QARS1: variants seen among roughly 807,000 people sequenced by gnomAD.
The protein encoded by QARS1 is glutaminyl-tRNA synthetase 1.
A neutral mutation model predicts 106.9 loss-of-function variants in QARS1; 79 were observed. The observed-to-expected ratio is 0.74, with a 90% CI of 0.62 to 0.89. QARS1 has a LOEUF of 0.89. Among genes scored for constraint, QARS1 ranks in the 40% least tolerant of loss-of-function variants. QARS1 has a pLI of 0.00. For missense variants in QARS1, 966 were observed against 997.2 expected, an observed-to-expected ratio of 0.97 and a Z score of 0.42; for synonymous variants, 395 against 367.7, an observed-to-expected ratio of 1.07 and a Z score of -0.85.
At chr3:49,104,035 C>G in intron 2 of QARS1, 63 bp from the exon 3 acceptor site, 1 of 1,443,888 alleles carries the variant, frequency 6.9e-7, no homozygotes, top group Non-Finnish European at 9.6e-7. Flanking sequence ...AGACAGGGTC[C>G]TAATCTCATG....
chr3:49,099,300 C>G (rs1225175791), intron 17 of QARS1, 44 bp downstream of exon 17: 2 of 1,614,054 alleles, frequency 1.2e-6, no homozygotes, highest in Non-Finnish European at 1.7e-6. Flanking sequence ...CACAAACTGC[C>G]ACACTCAACC....
chr3:49,104,689 C>G lies in QARS1; in HGVS notation c.45G>C (p.Leu15=), dbSNP rs756522994. The change falls in exon 1 of 24, where the codon CTG becomes CTC. Residue 15 remains leucine, a synonymous_variant. Transcript: ENST00000306125. Reference sequence around the variant, plus strand: ...GCGTCTCGCGGGCCTTCTGCTCGCTCAGGCCGAGGCTAGTGAAGAGCGACA... The same window carrying G: ...GCGTCTCGCGGGCCTTCTGCTCGCTGAGGCCGAGGCTAGTGAAGAGCGACA... ...DSLSLFTSLG[L]SEQKARETLK... The G allele has an allele frequency of 3.1e-6, 5 of 1,611,454 alleles. No individual in the cohort carries two copies. The East Asian group carries it at 6.7e-5, about 22-fold the overall frequency.
Position 49,099,388 on chromosome 3 carries a change from G to A in QARS1, c.1570C>T (p.Arg524Trp), listed in dbSNP as rs774980346. Residue 524 changes from arginine to tryptophan, a missense_variant, in exon 17 of 24, where the codon CGG (arginine) becomes TGG (tryptophan). By Grantham distance (101) the Arg-to-Trp change is moderately radical. Transcript: ENST00000306125. ...ATGGCCTCAGGTGGGAAGCCCCGCC[G>A]TCGCAGGGCCGTGAGTGTAAAGAGC... ...PRLFTLTALR[R>W]RGFPPEAINN... 3.1e-6 allele frequency: 5 copies of A among 1,614,066 alleles called. No individual in the cohort carries two copies. Among genetic ancestry groups the A allele is most frequent in the Admixed American group, 1.7e-5 (1 of 60,008 alleles).
Position 49,095,961 on chromosome 3 carries a change from C to T in QARS1, c.*68G>A, listed in dbSNP as rs1383212571. The T allele has an allele frequency of 6.9e-7, 1 of 1,443,542 alleles. No individual in the cohort carries two copies. Among genetic ancestry groups the T allele is most frequent in the Non-Finnish European group, 9.7e-7 (1 of 1,034,832 alleles). 89.4% of individuals were successfully genotyped at this position (1,443,542 alleles called of 1,614,324 possible). A position where few individuals can be genotyped will look rare whatever the true frequency, so the allele number is the denominator to read the frequency against. On this transcript the variant is annotated 3_prime_UTR_variant, in exon 24 of 24. Coordinates refer to ENST00000306125, the MANE Select transcript of QARS1 (RefSeq NM_005051.3). The stretch of plus-strand genomic sequence containing the variant: ...GGAGAATTTAGCTGTTCTTTATTGA[C>T]ATGGAATTTGGGGTGGCGAGGGTAG...
In QARS1 at chr3:49,095,957, T is replaced by C. The variant is rs1163984821; in HGVS notation, c.*72A>G. 7.8e-6 allele frequency: 11 copies of C among 1,417,568 alleles called. No homozygotes were observed. The highest frequency in any genetic ancestry group is 1.8e-5 in the Admixed American group (1 of 54,074). 87.8% of individuals were successfully genotyped at this position (1,417,568 alleles called of 1,614,324 possible). A position where few individuals can be genotyped will look rare whatever the true frequency, so the allele number is the denominator to read the frequency against. Reference sequence around the variant, plus strand: ...TCTAGGAGAATTTAGCTGTTCTTTATTGACATGGAATTTGGGGTGGCGAGG... The same window carrying C: ...TCTAGGAGAATTTAGCTGTTCTTTACTGACATGGAATTTGGGGTGGCGAGG... On this transcript the variant is annotated 3_prime_UTR_variant, in exon 24 of 24. Transcript: ENST00000306125.
rs781654014 is a variant in QARS1 at position 49,099,790 on chromosome 3, G to A, written c.1359C>T (p.His453=). ...CCTGGAATTCCTTGGTGCAGAGTGAGTGAGTGATGTGCTCGATGGAGTCAC... is the reference window on the plus strand; with the variant it reads ...CCTGGAATTCCTTGGTGCAGAGTGAATGAGTGATGTGCTCGATGGAGTCAC... ...CLCDSIEHIT[H]SLCTKEFQAR... The change falls in exon 15 of 24, where the codon CAC becomes CAT. Residue 453 remains histidine (H), a synonymous_variant. Transcript: ENST00000306125. 55 of 1,613,962 alleles carry A rather than the reference G, an allele frequency of 3.4e-5. No homozygotes were observed. The highest frequency in any genetic ancestry group is 4.5e-5 in the Non-Finnish European group (53 of 1,180,024).
chr3:49,102,200 C>T lies in QARS1; in HGVS notation c.631+5G>A. ...ATGCTGTGACAGGAGTCTCAAGCTTCTCACCATTCTCCACCACATCCTTTG... is the reference window on the plus strand; with the variant it reads ...ATGCTGTGACAGGAGTCTCAAGCTTTTCACCATTCTCCACCACATCCTTTG... On this transcript the variant is annotated splice_donor_5th_base_variant and intron_variant, in intron 7 of 23. Coordinates refer to ENST00000306125, the MANE Select transcript of QARS1 (RefSeq NM_005051.3). The T allele has an allele frequency of 6.2e-7, 1 of 1,614,242 alleles. No homozygotes were observed.
chr3:49,099,896 T>C (rs781695773), intron 14 of QARS1, 43 bp from the exon 15 acceptor site: 40 of 1,613,924 alleles, frequency 2.5e-5, no homozygotes, highest in Non-Finnish European at 3.4e-5. Flanking sequence ...AGCCCTACTC[T>C]GCCCTACCCC....
Position 49,099,634 on chromosome 3 carries a change from A to T in QARS1, c.1402T>A (p.Phe468Ile). ...ACGTCCAGTGCATTGCAAAGCCAGA[A>T]GTAGGAAGAGCGTCTGGGGTGGGAG... ...KEFQARRSSY[F>I]WLCNALDVYC... Residue 468 changes from phenylalanine to isoleucine, a missense_variant, in exon 16 of 24, where the codon TTC becomes ATC. By Grantham distance (21) the Phe-to-Ile change is conservative (BLOSUM62 0). Transcript: ENST00000306125. 6.2e-7 allele frequency: 1 copy of T among 1,614,184 alleles called. No homozygotes were observed. Among genetic ancestry groups the T allele is most frequent in the Non-Finnish European group, 8.5e-7 (1 of 1,180,020 alleles).
At position 49,103,947 on chromosome 3, in the gene QARS1, G is replaced by T. The variant is rs1559970469; in HGVS notation, c.291C>A (p.His97Gln). ...LSAALEYVRSHPLDPIDTVDF... is the reference protein window; with the variant it reads ...LSAALEYVRSQPLDPIDTVDF... ...CCACAGTGTCGATGGGGTCCAAGGG[G>T]TGACTCCGCACATACTCAAGGGCAG... Residue 97 changes from histidine (H) to glutamine (Q), a missense_variant, in exon 3 of 24, where the codon CAC becomes CAA. Transcript: ENST00000306125. The T allele has an allele frequency of 6.2e-7, 1 of 1,613,962 alleles. No individual in the cohort carries two copies. The highest frequency in any genetic ancestry group is 8.5e-7 in the Non-Finnish European group (1 of 1,180,016).
In QARS1 at chr3:49,103,801, C is replaced by T. The variant is rs888314459; in HGVS notation, c.375+62G>A. The T allele has an allele frequency of 4.4e-6, 7 of 1,599,048 alleles. No homozygotes were observed. In the African/African-American group the frequency reaches 8.0e-5, roughly 18 times the overall value. On this transcript the variant is annotated intron_variant, in intron 3 of 23. Coordinates refer to ENST00000306125, the MANE Select transcript of QARS1 (RefSeq NM_005051.3). Reference sequence around the variant, plus strand: ...CTCTGGGTCTTCCTGAGGAGGGAAACTGAGCCACTCCTTTCCATGGCCAGG... The same window carrying T: ...CTCTGGGTCTTCCTGAGGAGGGAAATTGAGCCACTCCTTTCCATGGCCAGG...
rs777643602 is a variant in QARS1, at chr3:49,104,316, G to GGTCT, written c.265+4_265+7dup. ...GGTGCGAACTGGCAGGACAGGTAGG[G>GGTCT]GTCTCACCGCTTAGCTGGGGCTCAG... On this transcript the variant is annotated splice_region_variant and intron_variant, in intron 2 of 23. Coordinates refer to ENST00000306125, the MANE Select transcript of QARS1 (RefSeq NM_005051.3). 1 of 1,613,918 alleles carries GGTCT rather than the reference G, an allele frequency of 6.2e-7. No individual in the cohort carries two copies. Among genetic ancestry groups the GGTCT allele is most frequent in the Non-Finnish European group, 8.5e-7 (1 of 1,179,880 alleles).
chr3:49,104,556 C>T, intron 1 of QARS1, 61 bp downstream of exon 1: 1 of 1,598,568 alleles, frequency 6.3e-7, no homozygotes, highest in Non-Finnish European at 8.6e-7. Context: ...GATCTGGACC[C>T]CGCCCCGCGC....
intron 3 of QARS1, 42 bp downstream of exon 3, chr3:49,103,821 G>T: frequency 6.2e-7 from 1 of 1,603,642 alleles, no homozygotes; most frequent in South Asian, 1.1e-5. Context: ...CCTTTCCATG[G>T]CCAGGACTGG....
chr3:49,098,480 C>T lies in QARS1; in HGVS notation c.1957G>A (p.Gly653Ser). The T allele has an allele frequency of 2.5e-6, 4 of 1,614,126 alleles. No individual in the cohort carries two copies. The highest frequency in any genetic ancestry group is 3.4e-6 in the Non-Finnish European group (4 of 1,180,022). ...AGACTCTCTACACAACCACTGGGGCCCTGGAAGTGGGGGGAGGGGAGCAGC... is the reference window on the plus strand; with the variant it reads ...AGACTCTCTACACAACCACTGGGGCTCTGGAAGTGGGGGGAGGGGAGCAGC... ...YVIELQHVVK[G>S]PSGCVESLEV... The change falls in exon 21 of 24, where the codon GGC (glycine) becomes AGC (serine). Residue 653 changes from glycine (G) to serine (S), a missense_variant and splice_region_variant. By Grantham distance (56) the Gly-to-Ser change is moderately conservative. Transcript: ENST00000306125.
chr3:49,102,204 C>T lies in QARS1; in HGVS notation c.631+1G>A, dbSNP rs1230015326. 1.9e-6 allele frequency: 3 copies of T among 1,614,124 alleles called. No homozygotes were observed. The highest frequency in any genetic ancestry group is 1.7e-6 in the Non-Finnish European group (2 of 1,180,044). On this transcript the variant is annotated splice_donor_variant, in intron 7 of 23. Transcript: ENST00000306125. LOFTEE classifies it high-confidence loss of function. ...TGTGACAGGAGTCTCAAGCTTCTCA[C>T]CATTCTCCACCACATCCTTTGCCGT...
intron 23 of QARS1, chr3:49,096,980 G>A (rs911399359): frequency 6.9e-6 from 1 of 143,944 alleles, no homozygotes; most frequent in Non-Finnish European, 1.5e-5. Context: ...GCGAGATACT[G>A]TTTCAAAAAA....
rs2107095116 is a variant in QARS1, at chr3:49,098,129, G to C, written c.2152-12C>G. 2.5e-6 allele frequency: 4 copies of C among 1,614,180 alleles called. No homozygotes were observed. The highest frequency in any genetic ancestry group is 2.5e-6 in the Non-Finnish European group (3 of 1,180,042). ...ACGTGTAGTGATGCCTGCAGGCAGG[G>C]AACTCAGGCAACCATCCAACCAGGG... On this transcript the variant is annotated splice_polypyrimidine_tract_variant and intron_variant, in intron 22 of 23. Coordinates refer to ENST00000306125, the MANE Select transcript of QARS1 (RefSeq NM_005051.3).
At chr3:49,097,796 A>G (rs2042410785) in intron 23 of QARS1, among the ~76,000 whole-genome samples, 196 bp downstream of exon 23, 1 of 151,894 alleles carries the variant, frequency 6.6e-6, no homozygotes, top group African/African-American at 2.4e-5. Context: ...GACTGTCTCA[A>G]AAAAAAAGGC....
Sources: gnomAD v4.1 joint callset for allele counts (sites outside exome capture counted in the v4.1 genomes callset) on GRCh38, gnomAD v4.1.1 for gene constraint, MANE v1.5 for transcripts, NCBI Gene and HGNC (gene_info 2026-07-23, HGNC 2026-07-21) for gene names.